Variants in GPC6 observed in about 807,000 individuals in gnomAD.
GPC6 encodes glypican-6.
In GPC6, 14 loss-of-function variants were observed where a neutral mutation model predicts 55.2. The observed-to-expected ratio is 0.25, with a 90% confidence interval of 0.17 to 0.40. The LOEUF (loss-of-function observed/expected upper bound fraction) is 0.40. GPC6 is among the 10% of genes least tolerant of loss of function. The pLI is 1.00. For synonymous variants in GPC6, 278 were observed against 259.6 expected (o/e 1.07, Z -0.68); for missense variants, 641 against 708.5 (o/e 0.90, Z 1.08).
intron 4 of GPC6, among the ~76,000 whole-genome samples, chr13:94,284,814 A>G (rs1051152646): frequency 4.6e-5 from 7 of 152,000 alleles, no homozygotes; most frequent in Non-Finnish European, 7.4e-5. Context: ...ATTAATAAGA[A>G]CTACTGAAAT....
rs1414771303 is a variant in GPC6, at chr13:94,215,882, C to G, written c.878-70467C>G. ...AAAAGAAAAGGGGTACATTTAACTTCGTTAATAGTAAGATATAAAATAACC... is the reference window on the plus strand; with the variant it reads ...AAAAGAAAAGGGGTACATTTAACTTGGTTAATAGTAAGATATAAAATAACC... On this transcript the variant is annotated intron_variant, in intron 4 of 8. Transcript: ENST00000377047. 2.0e-5 allele frequency among the ~76,000 whole-genome samples: 3 copies of G among 152,064 alleles called. No homozygotes were observed. In the East Asian group the frequency reaches 5.8e-4, roughly 29 times the overall value.
intron 1 of GPC6, among the ~76,000 whole-genome samples, chr13:93,308,017 G>T (rs909706823): frequency 6.6e-6 from 1 of 152,156 alleles, no homozygotes; most frequent in African/African-American, 2.4e-5. Flanking sequence ...GGGCACGGTG[G>T]CTCACGTCTG....
In GPC6 at chr13:94,405,797, C is replaced by T. The variant is rs1278101131; in HGVS notation, c.*2580C>T. 1 of 152,076 alleles carries T rather than the reference C, an allele frequency of 6.6e-6. No individual in the cohort carries two copies. The highest frequency in any genetic ancestry group is 2.4e-5 in the African/African-American group (1 of 41,408). 9.4% of individuals were successfully genotyped at this position (152,076 alleles called of 1,614,324 possible). On this transcript the variant is annotated 3_prime_UTR_variant, in exon 9 of 9. Transcript: ENST00000377047. The stretch of plus-strand genomic sequence containing the variant: ...AGTTAATGATGTCACAGTGTTAGCA[C>T]CCTGCATGGATGTGGTCAAAATATC...
chr13:94,206,190 G>T (rs1451506261), intron 4 of GPC6, among the ~76,000 whole-genome samples: 1 of 152,156 alleles, frequency 6.6e-6, no homozygotes, highest in Admixed American at 6.5e-5. Flanking sequence ...AAATAGAAAA[G>T]CTCGATCAGG....
intron 4 of GPC6, among the ~76,000 whole-genome samples, chr13:94,107,584 T>C (rs1340337528): frequency 6.6e-6 from 1 of 151,468 alleles, no homozygotes; most frequent in Non-Finnish European, 1.5e-5. Context: ...TCTCTTTTTT[T>C]TTTTTTTTTC....
intron 1 of GPC6, among the ~76,000 whole-genome samples, chr13:93,311,546 G>A (rs1366394531): frequency 3.3e-5 from 5 of 151,592 alleles, no homozygotes; most frequent in African/African-American, 1.2e-4. Flanking sequence ...GACTTATACT[G>A]CTTTTGAAAT....
At chr13:93,487,221 AT>A (rs759351329) in intron 1 of GPC6, among the ~76,000 whole-genome samples, 15 of 151,842 alleles carry the variant, frequency 9.9e-5, no homozygotes, top group East Asian at 9.7e-4. Flanking sequence ...AAATTTTTAA[AT>A]TTTTTTTTAA....
At chr13:94,069,267 T>C (rs1884645250) in intron 4 of GPC6, among the ~76,000 whole-genome samples, 1 of 152,162 alleles carries the variant, frequency 6.6e-6, no homozygotes, top group Non-Finnish European at 1.5e-5. Flanking sequence ...TGGTCCCTTT[T>C]AGTCATGGCT....
At chr13:93,426,894 C>G (rs1423736673) in intron 1 of GPC6, among the ~76,000 whole-genome samples, 2 of 146,640 alleles carry the variant, frequency 1.4e-5, no homozygotes, top group South Asian at 2.3e-4. Context: ...TCCTCTCCAG[C>G]ACCTGTTGTT....
At chr13:93,536,050 G>A (rs1044925611) in intron 1 of GPC6, among the ~76,000 whole-genome samples, 9 of 152,046 alleles carry the variant, frequency 5.9e-5, no homozygotes, top group East Asian at 3.9e-4. Flanking sequence ...AAGTTCCAGC[G>A]ATGTCTGTGA....
chr13:93,915,081 G>A (rs1299708868), intron 3 of GPC6, among the ~76,000 whole-genome samples: 1 of 152,120 alleles, frequency 6.6e-6, no homozygotes, highest in East Asian at 1.9e-4. Flanking sequence ...TGTTAAAGGT[G>A]CTCTATATTT....
intron 2 of GPC6, among the ~76,000 whole-genome samples, chr13:93,564,457 T>G (rs947903812): frequency 6.6e-6 from 1 of 152,138 alleles, no homozygotes; most frequent in Non-Finnish European, 1.5e-5. Flanking sequence ...TGAATTGAAT[T>G]ACCTATTAAA....
chr13:94,355,763 A>G (rs138529166), intron 6 of GPC6, among the ~76,000 whole-genome samples: 67 of 151,932 alleles, frequency 4.4e-4, no homozygotes, highest in African/African-American at 1.6e-3. Flanking sequence ...GTATATTTTT[A>G]TTGTATAATT....
At chr13:93,697,559 G>T (rs1882503993) in intron 2 of GPC6, among the ~76,000 whole-genome samples, 1 of 152,094 alleles carries the variant, frequency 6.6e-6, no homozygotes, top group Non-Finnish European at 1.5e-5. Context: ...AGTTATTAGA[G>T]CAATACCTGC....
intron 4 of GPC6, among the ~76,000 whole-genome samples, chr13:94,109,397 G>C (rs1278545571): frequency 6.6e-6 from 1 of 151,570 alleles, no homozygotes; most frequent in Non-Finnish European, 1.5e-5. Flanking sequence ...GTTTTTTTCT[G>C]GTCCTCACTA....
chr13:93,482,587 G>T (rs1235600648), intron 1 of GPC6, among the ~76,000 whole-genome samples: 1 of 152,090 alleles, frequency 6.6e-6, no homozygotes, highest in Admixed American at 6.6e-5. Flanking sequence ...TATATTAGTT[G>T]CATTCTACTT....
intron 1 of GPC6, among the ~76,000 whole-genome samples, chr13:93,245,326 AG>A (rs1876563056): frequency 6.6e-6 from 1 of 152,216 alleles, no homozygotes; most frequent in African/African-American, 2.4e-5. Context: ...GAAAGGGCAC[AG>A]TCCTTCCTTC....
At chr13:93,909,046 T>C (rs1480685129) in intron 3 of GPC6, among the ~76,000 whole-genome samples, 1 of 152,202 alleles carries the variant, frequency 6.6e-6, no homozygotes, top group Non-Finnish European at 1.5e-5. Context: ...CTTTCTGTCT[T>C]TTACACTAGA....
chr13:93,539,753 G>A (rs1882213631), intron 1 of GPC6, among the ~76,000 whole-genome samples: 1 of 150,008 alleles, frequency 6.7e-6, no homozygotes, highest in Admixed American at 6.7e-5. Flanking sequence ...GTGCAATGAC[G>A]TGACCTCAGC....
Sources: allele counts gnomAD v4.1 joint callset (sites outside exome capture counted in the v4.1 genomes callset), GRCh38; gene constraint gnomAD v4.1.1; transcripts MANE v1.5; gene names NCBI Gene and HGNC (gene_info 2026-07-23, HGNC 2026-07-21).